PTPRD: variants seen among roughly 807,000 people sequenced by gnomAD.
The protein encoded by PTPRD is receptor-type tyrosine-protein phosphatase delta.
In PTPRD, 34 loss-of-function variants were observed where a neutral mutation model predicts 214.5. The observed-to-expected ratio is 0.16, with a 90% CI of 0.12 to 0.21. The LOEUF (loss-of-function observed/expected upper bound fraction) is 0.21, where lower values mean the gene tolerates loss of function less well. Among genes scored for constraint, PTPRD ranks in the 10% least tolerant of loss-of-function variants. The pLI is 1.00. For synonymous variants in PTPRD, 1,128 were observed against 845.7 expected, an observed-to-expected ratio of 1.33 and a Z score of -5.79; for missense variants, 2,545 against 2,398.7, an observed-to-expected ratio of 1.06 and a Z score of -1.27.
chr9:8,346,675 A>C (rs1171457525), intron 39 of PTPRD, among the ~76,000 whole-genome samples: 1 of 152,114 alleles, frequency 6.6e-6, no homozygotes, highest in Non-Finnish European at 1.5e-5. Context: ...TTTGTCTTCA[A>C]CTAACCCTTA....
At chr9:8,333,097 A>T (rs1185613788) in intron 43 of PTPRD, among the ~76,000 whole-genome samples, 1 of 152,102 alleles carries the variant, frequency 6.6e-6, no homozygotes, top group Non-Finnish European at 1.5e-5. Flanking sequence ...TTATTTGGGG[A>T]TGGAGATAAA....
chr9:10,306,505 C>G (rs957087705), intron 3 of PTPRD, among the ~76,000 whole-genome samples: 1 of 152,008 alleles, frequency 6.6e-6, no homozygotes, highest in African/African-American at 2.4e-5. Context: ...CCTGTCACCA[C>G]ACAGAGCAAA....
At chr9:9,298,254 C>T (rs546784441) in intron 9 of PTPRD, among the ~76,000 whole-genome samples, 226 of 151,654 alleles carry the variant, frequency 1.5e-3, no homozygotes, top group African/African-American at 5.2e-3. Context: ...AGAGTTTTAT[C>T]TTTTATTTTT....
chr9:9,022,610 G>T (rs1269787796), intron 10 of PTPRD, among the ~76,000 whole-genome samples: 4 of 152,086 alleles, frequency 2.6e-5, no homozygotes, highest in African/African-American at 9.7e-5. Context: ...TGTGATGTTT[G>T]CACCATGACA....
intron 8 of PTPRD, among the ~76,000 whole-genome samples, chr9:9,541,913 A>G (rs1182063286): frequency 6.6e-6 from 1 of 151,798 alleles, no homozygotes; most frequent in Non-Finnish European, 1.5e-5. Context: ...AGAAAAGTCT[A>G]AGATAATGAC....
intron 7 of PTPRD, among the ~76,000 whole-genome samples, chr9:9,687,084 G>T (rs1233111733): frequency 6.6e-6 from 1 of 151,668 alleles, no homozygotes; most frequent in African/African-American, 2.4e-5. Flanking sequence ...TATTCAGTAA[G>T]TATATAATAA....
intron 6 of PTPRD, among the ~76,000 whole-genome samples, chr9:9,753,737 G>T (rs2098543604): frequency 6.6e-6 from 1 of 151,872 alleles, no homozygotes; most frequent in Non-Finnish European, 1.5e-5. Context: ...GAAAATTACA[G>T]GTGTAATTAT....
intron 5 of PTPRD, among the ~76,000 whole-genome samples, chr9:9,892,060 A>G (rs939493723): frequency 1.3e-5 from 2 of 152,140 alleles, no homozygotes; most frequent in Non-Finnish European, 2.9e-5. Context: ...AATTTCTTCT[A>G]TGTACACATT....
chr9:8,853,908 A>G (rs865843031), intron 11 of PTPRD, among the ~76,000 whole-genome samples: 77 of 152,340 alleles, frequency 5.1e-4, no homozygotes, highest in African/African-American at 1.6e-3. Flanking sequence ...AAAAAGGTAA[A>G]TAACTCCATA....
chr9:10,297,139 T>C (rs1479926280), intron 3 of PTPRD, among the ~76,000 whole-genome samples: 2 of 148,116 alleles, frequency 1.4e-5, no homozygotes, highest in Non-Finnish European at 3.0e-5. Flanking sequence ...TATATATTTT[T>C]ATTATACTTT....
intron 4 of PTPRD, among the ~76,000 whole-genome samples, chr9:9,955,521 G>GTT (rs1194987444): frequency 3.4e-5 from 5 of 145,616 alleles, no homozygotes; most frequent in African/African-American, 1.3e-4. Flanking sequence ...GTTTTGTTTT[G>GTT]TTTTGTTTTT....
intron 32 of PTPRD, among the ~76,000 whole-genome samples, chr9:8,462,315 G>A (rs72692944): frequency 0.01 from 1,586 of 151,980 alleles, 19 homozygotes; most frequent in African/African-American, 0.03. Context: ...AGGTCCATCT[G>A]CTCTTCTTCT....
chr9:9,936,022 C>T (rs1410677602), intron 5 of PTPRD, among the ~76,000 whole-genome samples: 1 of 149,980 alleles, frequency 6.7e-6, no homozygotes, highest in Non-Finnish European at 1.5e-5. Flanking sequence ...ACTGGCTAGC[C>T]ATATGTAGAA....
intron 36 of PTPRD, 107 bp downstream of exon 36, chr9:8,404,430 T>A (rs564235655): frequency 2.1e-6 from 3 of 1,428,514 alleles, no homozygotes; most frequent in Non-Finnish European, 2.8e-6. Flanking sequence ...TGCACAGCCA[T>A]CTTAATTACT....
rs1211801037 is a variant in PTPRD, at chr9:9,184,357, T to G, written c.-202-994A>C. ...CTACATTCCTCACCATGGAACACAG[T>G]CTTAAGAACATCTTGCATATGATCC... is the stretch of plus-strand genomic sequence containing the variant. On this transcript the variant is annotated intron_variant, in intron 9 of 45. Transcript: ENST00000381196. Among the ~76,000 whole-genome samples the G allele has an allele frequency of 4.6e-5, 7 of 152,058 alleles. No homozygotes were observed. The East Asian group carries it at 1.4e-3, about 29-fold the overall frequency.
intron 9 of PTPRD, among the ~76,000 whole-genome samples, chr9:9,315,409 A>C (rs1962190662): frequency 6.6e-6 from 1 of 152,036 alleles, no homozygotes; most frequent in Admixed American, 6.6e-5. Flanking sequence ...CAGTAAGTTA[A>C]ACACTTATCT....
rs143187525 is a variant in PTPRD at position 8,535,953 on chromosome 9, T to A, written c.353-7174A>T. Among the ~76,000 whole-genome samples the A allele has an allele frequency of 5.6e-4, 85 of 152,012 alleles. No homozygotes were observed. In the East Asian group the frequency reaches 0.016, roughly 28 times the overall value. Reference sequence around the variant, plus strand: ...TAGTCAGAAGATCATATTAGACAAATTTAAAATTTTACCTAATGCAAAGCA... The same window carrying A: ...TAGTCAGAAGATCATATTAGACAAAATTAAAATTTTACCTAATGCAAAGCA... On this transcript the variant is annotated intron_variant, in intron 14 of 45. Transcript: ENST00000381196.
At chr9:10,009,378 AG>A (rs2096552071) in intron 4 of PTPRD, among the ~76,000 whole-genome samples, 1 of 151,998 alleles carries the variant, frequency 6.6e-6, no homozygotes, top group Non-Finnish European at 1.5e-5. Context: ...CAATACCTGT[AG>A]GGTGTGCACG....
intron 11 of PTPRD, among the ~76,000 whole-genome samples, chr9:9,004,234 A>C (rs1725490664): frequency 6.6e-6 from 1 of 152,052 alleles, no homozygotes; most frequent in Non-Finnish European, 1.5e-5. Flanking sequence ...CATCCACATT[A>C]TTTCAACTCA....
Sources: allele counts gnomAD v4.1 joint callset (sites outside exome capture counted in the v4.1 genomes callset), GRCh38; gene constraint gnomAD v4.1.1; transcripts MANE v1.5; gene names NCBI Gene and HGNC (gene_info 2026-07-23, HGNC 2026-07-21).